The following WDR17 variants were observed in gnomAD, a reference collection of about 807,000 sequenced individuals.
WDR17 encodes WD repeat-containing protein 17.
A neutral mutation model predicts 161.7 loss-of-function variants in WDR17; 143 were observed. The observed-to-expected ratio is 0.88, with a 90% CI of 0.77 to 1.02. The LOEUF (loss-of-function observed/expected upper bound fraction) is 1.02. Among genes scored for constraint, WDR17 ranks in the 50% least tolerant of loss-of-function variants. WDR17 has a pLI of 0.00. For missense variants in WDR17, 1,469 were observed against 1,520.9 expected (o/e 0.97, Z 0.57); for synonymous variants, 517 against 515.6 (o/e 1.00, Z -0.04).
chr4:176,113,729 A>C (rs1317671852), intron 2 of WDR17, among the ~76,000 whole-genome samples: 2 of 152,028 alleles, frequency 1.3e-5, no homozygotes, highest in African/African-American at 2.4e-5. Context: ...AATAACACTT[A>C]GTGCCAATGT....
chr4:176,174,570 A>G lies in WDR17; in HGVS notation c.3348-47A>G, dbSNP rs373493990. On this transcript the variant is annotated intron_variant, in intron 25 of 28. Coordinates refer to ENST00000508596, the MANE Select transcript of WDR17 (RefSeq NM_181265.4). Reference sequence around the variant, plus strand: ...GAACTGTGTATCAGAGTAATGTTCTATGCCTCAAATTGTGGAATTTATAAA... The same window carrying G: ...GAACTGTGTATCAGAGTAATGTTCTGTGCCTCAAATTGTGGAATTTATAAA... 4.4e-4 allele frequency: 605 copies of G among 1,377,416 alleles called. 1 individual carries two copies. Among genetic ancestry groups the G allele is most frequent in the Non-Finnish European group, 5.6e-4 (549 of 982,210 alleles). The allele number at this position is 1,377,416 out of a possible 1,614,324, so 85.3% of individuals were successfully genotyped here. A position where few individuals can be genotyped will look rare whatever the true frequency, so the allele number is the denominator to read the frequency against.
chr4:176,067,259 GTTA>G (rs1400385954), intron 1 of WDR17, among the ~76,000 whole-genome samples: 10 of 152,122 alleles, frequency 6.6e-5, no homozygotes, highest in Non-Finnish European at 1.3e-4. Context: ...ATTAAATATA[GTTA>G]TTAAGTGCTT....
At chr4:176,169,083 C>T (rs368023018) in intron 23 of WDR17, among the ~76,000 whole-genome samples, 4 of 152,208 alleles carry the variant, frequency 2.6e-5, no homozygotes, top group East Asian at 3.9e-4. Context: ...AATTAGTTAG[C>T]GGTGGAGTGA....
chr4:176,083,984 TG>T (rs1224099745), intron 1 of WDR17, among the ~76,000 whole-genome samples: 1 of 152,162 alleles, frequency 6.6e-6, no homozygotes, highest in Non-Finnish European at 1.5e-5. Flanking sequence ...TCTTCCCTTT[TG>T]TCCATTTTTC....
intron 1 of WDR17, among the ~76,000 whole-genome samples, chr4:176,103,032 A>G (rs1232981465): frequency 2.6e-5 from 4 of 152,104 alleles, no homozygotes; most frequent in African/African-American, 9.7e-5. Context: ...AGCCATTGTT[A>G]TTGCACCTAC....
chr4:176,125,298 G>C lies in WDR17; in HGVS notation c.733G>C (p.Ala245Pro). The C allele has an allele frequency of 6.2e-7, 1 of 1,614,132 alleles. No individual in the cohort carries two copies. Among genetic ancestry groups the C allele is most frequent in the Non-Finnish European group, 8.5e-7 (1 of 1,180,020 alleles). ...AACATTTAATCTTCCCAGTGCAGCA[G>C]CTTCTGTACAGTGCTTAGCCTGGGT... ...ITTFNLPSAA[A>P]SVQCLAWVPS... Residue 245 changes from alanine (A) to proline (P), a missense_variant, in exon 5 of 29, where the codon GCT becomes CCT. Coordinates refer to ENST00000508596, the MANE Select transcript of WDR17 (RefSeq NM_181265.4).
intron 21 of WDR17, among the ~76,000 whole-genome samples, chr4:176,162,797 A>G (rs1749224962): frequency 6.6e-6 from 1 of 152,190 alleles, no homozygotes; most frequent in East Asian, 1.9e-4. Flanking sequence ...ATGATAGATA[A>G]CTATATAATC....
At chr4:176,176,275 A>G (rs545851665) in intron 26 of WDR17, among the ~76,000 whole-genome samples, 1 of 152,342 alleles carries the variant, frequency 6.6e-6, no homozygotes, top group African/African-American at 2.4e-5. Flanking sequence ...GGAATGTGTT[A>G]GCTTAGAAAG....
chr4:176,088,677 G>A (rs1735728751), intron 1 of WDR17, among the ~76,000 whole-genome samples: 1 of 152,196 alleles, frequency 6.6e-6, no homozygotes, highest in South Asian at 2.1e-4. Context: ...TGAACAGGCT[G>A]AGATGATTAT....
intron 1 of WDR17, among the ~76,000 whole-genome samples, chr4:176,101,731 T>C (rs2126661943): frequency 6.6e-6 from 1 of 152,148 alleles, no homozygotes; most frequent in South Asian, 2.1e-4. Context: ...CACATAAATA[T>C]ACTCAACTGA....
intron 1 of WDR17, among the ~76,000 whole-genome samples, chr4:176,096,809 G>C (rs1736950515): frequency 6.6e-6 from 1 of 151,576 alleles, no homozygotes; most frequent in Admixed American, 6.6e-5. Context: ...CCTAATTTCA[G>C]ATGAGTTCTT....
At chr4:176,076,326 TGTATATTGCTTAAAACAAAAGC>T (rs575781308) in intron 1 of WDR17, among the ~76,000 whole-genome samples, 162 of 146,268 alleles carry the variant, frequency 1.1e-3, no homozygotes, top group Non-Finnish European at 1.6e-3. Flanking sequence ...AAGCAAAATA[TGTATATTGCTTAAAACAAAAGC>T]ACTTTTGATC....
chr4:176,177,776 G>A (rs1237425022), intron 28 of WDR17, 122 bp downstream of exon 28: 19 of 914,006 alleles, frequency 2.1e-5, no homozygotes, highest in Admixed American at 3.3e-5. Flanking sequence ...GGTCCAGTAA[G>A]GAAATATTAC....
intron 4 of WDR17, among the ~76,000 whole-genome samples, chr4:176,120,985 T>C (rs1334769627): frequency 6.6e-6 from 1 of 152,098 alleles, no homozygotes; most frequent in Non-Finnish European, 1.5e-5. Flanking sequence ...GCCATTATAT[T>C]CTAAATACAT....
intron 17 of WDR17, among the ~76,000 whole-genome samples, chr4:176,155,426 A>G (rs1747900125): frequency 2.0e-5 from 3 of 151,730 alleles, no homozygotes; most frequent in Non-Finnish European, 2.9e-5. Context: ...CAAGTTCAAG[A>G]TACTTTTGTA....
At chr4:176,073,108 TTTA>T (rs1297104853) in intron 1 of WDR17, among the ~76,000 whole-genome samples, 1 of 151,976 alleles carries the variant, frequency 6.6e-6, no homozygotes, top group Non-Finnish European at 1.5e-5. Flanking sequence ...TATTTTTTAT[TTTA>T]TTATTATTAT....
At chr4:176,140,648 G>A (rs1745111446) in intron 10 of WDR17, among the ~76,000 whole-genome samples, 1 of 152,086 alleles carries the variant, frequency 6.6e-6, no homozygotes, top group Admixed American at 6.5e-5. Context: ...TGGATAGGTG[G>A]TATAGACACT....
intron 17 of WDR17, among the ~76,000 whole-genome samples, chr4:176,153,374 T>C (rs1747549237): frequency 6.6e-6 from 1 of 152,184 alleles, no homozygotes; most frequent in African/African-American, 2.4e-5. Context: ...TCAACAAAAC[T>C]GATCTTTACA....
At chr4:176,101,769 A>G (rs533384399) in intron 1 of WDR17, among the ~76,000 whole-genome samples, 170 of 152,324 alleles carry the variant, frequency 1.1e-3, no homozygotes, top group Non-Finnish European at 2.1e-3. Context: ...AAGGCGATAC[A>G]GTGAAACAAA....
Sources: allele counts gnomAD v4.1 joint callset (sites outside exome capture counted in the v4.1 genomes callset), GRCh38; gene constraint gnomAD v4.1.1; transcripts MANE v1.5; gene names NCBI Gene and HGNC (gene_info 2026-07-23, HGNC 2026-07-21).